MET: variants seen among roughly 807,000 people sequenced by gnomAD.
MET encodes MET proto-oncogene, receptor tyrosine kinase.
In MET, 48 loss-of-function variants were observed where a neutral mutation model predicts 133.1. That is an observed-to-expected ratio of 0.36 (90% CI 0.29 to 0.46). MET has a LOEUF of 0.46. MET is among the 20% of genes least tolerant of loss of function. The pLI, the probability that MET is intolerant of heterozygous loss-of-function variation, is 1.00. For missense variants in MET, 1,442 were observed against 1,695.9 expected (o/e 0.85, Z 2.63); for synonymous variants, 628 against 616.5 (o/e 1.02, Z -0.28).
At chr7:116,683,110 G>C (rs548773799) in intron 1 of MET, among the ~76,000 whole-genome samples, 10 of 152,158 alleles carry the variant, frequency 6.6e-5, no homozygotes, top group African/African-American at 1.7e-4. Context: ...AGTGGTACAT[G>C]CGCAGATTTG....
At chr7:116,778,992 T>C (rs1795075491) in intron 17 of MET, 35 bp downstream of exon 17, 1 of 1,608,050 alleles carries the variant, frequency 6.2e-7, no homozygotes, top group South Asian at 1.1e-5. Context: ...ACTGGCAAAC[T>C]AGCTGTAAGC....
chr7:116,754,207 T>A (rs1197679254), intron 5 of MET, among the ~76,000 whole-genome samples: 1 of 152,176 alleles, frequency 6.6e-6, no homozygotes, highest in Non-Finnish European at 1.5e-5. Flanking sequence ...TCCAAAACCA[T>A]CTATATGTTT....
chr7:116,672,516 C>G lies in MET; in HGVS notation c.-76C>G, dbSNP rs543650055. 1 of 397,392 alleles carries G rather than the reference C, an allele frequency of 2.5e-6. No individual in the cohort carries two copies. The highest frequency in any genetic ancestry group is 4.4e-6 in the Non-Finnish European group (1 of 225,396). 24.6% of individuals were successfully genotyped at this position (397,392 alleles called of 1,614,324 possible). A position where few individuals can be genotyped will look rare whatever the true frequency, so the allele number is the denominator to read the frequency against. ...GACTTGCTGAGAGGAGGCGGGGAGG[C>G]GCGGAGCGCGCGTGTGGTCCTTGCG... On this transcript the variant is annotated 5_prime_UTR_variant, in exon 1 of 21. Coordinates refer to ENST00000397752, the MANE Select transcript of MET (RefSeq NM_000245.4).
chr7:116,727,490 T>G (rs1457604133), intron 2 of MET, among the ~76,000 whole-genome samples: 2 of 152,196 alleles, frequency 1.3e-5, no homozygotes, highest in Non-Finnish European at 2.9e-5. Flanking sequence ...CCTTCCTTCC[T>G]TCCTTCCTTT....
chr7:116,774,454 T>C (rs1234095876), intron 14 of MET, among the ~76,000 whole-genome samples: 1 of 152,268 alleles, frequency 6.6e-6, no homozygotes, highest in African/African-American at 2.4e-5. Flanking sequence ...CCATAGGTTT[T>C]GCACAATAGT....
intron 5 of MET, 184 bp downstream of exon 5, chr7:116,741,209 C>T: frequency 2.9e-6 from 2 of 700,242 alleles, no homozygotes; most frequent in Admixed American, 2.7e-5. Context: ...TTGGCTTTAT[C>T]CCTCGGGCAG....
intron 1 of MET, among the ~76,000 whole-genome samples, chr7:116,681,583 C>T (rs781650156): frequency 5.3e-5 from 8 of 152,174 alleles, no homozygotes; most frequent in Non-Finnish European, 1.0e-4. Flanking sequence ...ATTCTAAATA[C>T]GAATTTAGAC....
At position 116,770,364 on chromosome 7, in the gene MET, GTT is replaced by G. The variant is rs1382787042; in HGVS notation, c.2730+574_2730+575del. 3.3e-5 allele frequency among the ~76,000 whole-genome samples: 5 copies of G among 152,224 alleles called. No individual in the cohort carries two copies. The East Asian group carries it at 9.6e-4, about 29-fold the overall frequency. ...GCAATTCACCCATTGAAAGTGCACA[GTT>G]CAATGGGTTTCAGTATATTATATTG... On this transcript the variant is annotated intron_variant, in intron 12 of 20. Coordinates refer to ENST00000397752, the MANE Select transcript of MET (RefSeq NM_000245.4).
chr7:116,768,557 G>C (rs1794714686), intron 11 of MET, among the ~76,000 whole-genome samples: 1 of 152,160 alleles, frequency 6.6e-6, no homozygotes, highest in African/African-American at 2.4e-5. Context: ...AGGTTATAAA[G>C]AAGTATTTTC....
chr7:116,714,741 G>GCACACACACACA (rs1331223041), intron 2 of MET, among the ~76,000 whole-genome samples: 2 of 116,422 alleles, frequency 1.7e-5, no homozygotes, highest in African/African-American at 2.9e-5. Context: ...ACACTCACAT[G>GCACACACACACA]CACGCACACA....
chr7:116,773,766 T>A (rs1794906575), intron 14 of MET, among the ~76,000 whole-genome samples: 1 of 152,224 alleles, frequency 6.6e-6, no homozygotes, highest in Non-Finnish European at 1.5e-5. Context: ...AACGCTTTTC[T>A]GGAACCACTT....
chr7:116,784,008 C>T (rs2117069841), intron 19 of MET, among the ~76,000 whole-genome samples: 1 of 152,336 alleles, frequency 6.6e-6, no homozygotes, highest in Non-Finnish European at 1.5e-5. Context: ...AAATACTCAC[C>T]TGGGCAGCCA....
Position 116,699,246 on chromosome 7 carries a change from T to C in MET, c.162T>C (p.Asn54=), listed in dbSNP as rs1791464380. Residue 54 remains asparagine, a synonymous_variant, in exon 2 of 21, where the codon AAT becomes AAC. Transcript: ENST00000397752. ...PNFTAETPIQ[N]VILHEHHIFL... The stretch of plus-strand genomic sequence containing the variant: ...TCACCGCGGAAACACCCATCCAGAA[T>C]GTCATTCTACATGAGCATCACATTT... 4 of 1,613,860 alleles carry C rather than the reference T, an allele frequency of 2.5e-6. No homozygotes were observed. Among genetic ancestry groups the C allele is most frequent in the Non-Finnish European group, 2.5e-6 (3 of 1,179,918 alleles).
chr7:116,782,956 T>A (rs138198060), intron 18 of MET, among the ~76,000 whole-genome samples: 1 of 152,216 alleles, frequency 6.6e-6, no homozygotes, highest in African/African-American at 2.4e-5. Flanking sequence ...CGAAGATTGG[T>A]GATTGCTTGG....
At chr7:116,688,604 A>G (rs1216515288) in intron 1 of MET, among the ~76,000 whole-genome samples, 2 of 152,336 alleles carry the variant, frequency 1.3e-5, no homozygotes, top group East Asian at 3.9e-4. Flanking sequence ...ACAAATGTCC[A>G]TTTATTCTTC....
At chr7:116,725,471 T>TATATAC (rs1468397049) in intron 2 of MET, among the ~76,000 whole-genome samples, 1 of 149,032 alleles carries the variant, frequency 6.7e-6, no homozygotes, top group East Asian at 1.9e-4. Flanking sequence ...TATACATATA[T>TATATAC]ATATATATAT....
At chr7:116,684,109 C>A (rs895077470) in intron 1 of MET, among the ~76,000 whole-genome samples, 2 of 152,148 alleles carry the variant, frequency 1.3e-5, no homozygotes, top group African/African-American at 4.8e-5. Flanking sequence ...TTACTTTTAC[C>A]CTCAAAGTCT....
chr7:116,777,245 G>A (rs1297134988), intron 15 of MET, 144 bp from the exon 16 acceptor site: 3 of 706,784 alleles, frequency 4.2e-6, no homozygotes, highest in East Asian at 5.4e-5. Context: ...ACCTATAGTG[G>A]TATTGTTAAA....
chr7:116,751,097 A>G (rs1793903462), intron 5 of MET, among the ~76,000 whole-genome samples: 2 of 152,256 alleles, frequency 1.3e-5, no homozygotes, highest in Non-Finnish European at 2.9e-5. Flanking sequence ...ATTATAAGTC[A>G]TTCTAATATA....
Sources: allele counts gnomAD v4.1 joint callset (sites outside exome capture counted in the v4.1 genomes callset), GRCh38; gene constraint gnomAD v4.1.1; transcripts MANE v1.5; gene names NCBI Gene and HGNC (gene_info 2026-07-23, HGNC 2026-07-21).